The following MTFR1 variants were observed in gnomAD, a reference collection of about 807,000 sequenced individuals.
The protein encoded by MTFR1 is chondrocyte protein with a poly-proline region.
MTFR1 carries 28 observed loss-of-function variants against 38.8 expected under a neutral mutation model. That is an observed-to-expected ratio of 0.72 (90% confidence interval 0.53 to 0.99). The LOEUF is 0.99. Among genes scored for constraint, MTFR1 ranks in the 50% least tolerant of loss-of-function variants. The pLI is 0.00. For missense variants in MTFR1, 358 were observed against 395.5 expected, an observed-to-expected ratio of 0.91 and a Z score of 0.81; for synonymous variants, 145 against 137.0, an observed-to-expected ratio of 1.06 and a Z score of -0.41.
intron 1 of MTFR1, among the ~76,000 whole-genome samples, chr8:65,647,211 G>T (rs145404983): frequency 6.6e-6 from 1 of 152,224 alleles, no homozygotes; most frequent in Non-Finnish European, 1.5e-5. Flanking sequence ...GGAAATAGAC[G>T]TGGGGAACTG....
At chr8:65,671,032 T>G (rs1358783871) in intron 2 of MTFR1, among the ~76,000 whole-genome samples, 1 of 152,206 alleles carries the variant, frequency 6.6e-6, no homozygotes, top group Admixed American at 6.6e-5. Context: ...TTTACTTTTT[T>G]GTTTTTGTGC....
intron 1 of MTFR1, among the ~76,000 whole-genome samples, chr8:65,648,461 G>A (rs1809027198): frequency 6.6e-6 from 1 of 152,144 alleles, no homozygotes; most frequent in Admixed American, 6.5e-5. Context: ...TGTCAGCTGG[G>A]AGAGCACTCA....
chr8:65,702,297 C>CTTT (rs530863447), intron 4 of MTFR1, among the ~76,000 whole-genome samples: 44 of 110,240 alleles, frequency 4.0e-4, no homozygotes, highest in South Asian at 8.9e-4. Context: ...TTCTTTCTTT[C>CTTT]TTTTTTTTTT....
At chr8:65,663,529 TAAA>T (rs377759904) in intron 1 of MTFR1, among the ~76,000 whole-genome samples, 4 of 123,320 alleles carry the variant, frequency 3.2e-5, no homozygotes, top group Admixed American at 1.7e-4. Flanking sequence ...ATGATCAATT[TAAA>T]AAAAAAAAAA....
At chr8:65,645,542 G>C (rs1373460645) in intron 1 of MTFR1, among the ~76,000 whole-genome samples, 1 of 152,148 alleles carries the variant, frequency 6.6e-6, no homozygotes, top group African/African-American at 2.4e-5. Context: ...GTTATTTTGC[G>C]TTTTTGAGAC....
intron 1 of MTFR1, among the ~76,000 whole-genome samples, chr8:65,662,043 C>G (rs1010825969): frequency 1.3e-5 from 1 of 75,150 alleles, no homozygotes; most frequent in African/African-American, 4.1e-5. Context: ...CTCTCTCTCC[C>G]TCTCTCTCTC....
At chr8:65,655,810 A>G (rs1342338253) in intron 1 of MTFR1, among the ~76,000 whole-genome samples, 1 of 150,872 alleles carries the variant, frequency 6.6e-6, no homozygotes, top group Non-Finnish European at 1.5e-5. Context: ...TTAGCTGGGC[A>G]TGGTGGTGCG....
intron 3 of MTFR1, chr8:65,745,494 T>C (rs1285184230): frequency 3.2e-5 from 42 of 1,312,396 alleles, no homozygotes; most frequent in Non-Finnish European, 4.3e-5. Flanking sequence ...CAAACATTTC[T>C]ACTGTAATTT....
chr8:65,703,624 G>T (rs2129058627), intron 4 of MTFR1, among the ~76,000 whole-genome samples: 1 of 151,896 alleles, frequency 6.6e-6, no homozygotes, highest in South Asian at 2.1e-4. Flanking sequence ...AGTAGAGACA[G>T]GGTTGCACCC....
chr8:65,765,207 G>A (rs1271221728), intron 3 of MTFR1, among the ~76,000 whole-genome samples: 5 of 152,102 alleles, frequency 3.3e-5, no homozygotes, highest in South Asian at 4.1e-4. Context: ...GATAATGGGC[G>A]AGCCGGGCGC....
At chr8:65,667,577 G>T (rs971211866) in intron 1 of MTFR1, among the ~76,000 whole-genome samples, 4 of 151,914 alleles carry the variant, frequency 2.6e-5, no homozygotes, top group South Asian at 2.1e-4. Context: ...ACAGGTGTAT[G>T]CTACCATGCC....
At chr8:65,747,529 A>G (rs1807729345) in intron 3 of MTFR1, 1 of 541,930 alleles carries the variant, frequency 1.8e-6, no homozygotes, top group African/African-American at 2.0e-5. Flanking sequence ...AAACCTGGAA[A>G]ATAGGCTCAA....
chr8:65,747,338 A>C (rs1807719188), intron 3 of MTFR1, among the ~76,000 whole-genome samples: 1 of 152,224 alleles, frequency 6.6e-6, no homozygotes, highest in Non-Finnish European at 1.5e-5. Context: ...TAGATCAGGT[A>C]ATCTCTAAGT....
intron 3 of MTFR1, 84 bp downstream of exon 3, chr8:65,682,535 G>C (rs1804931330): frequency 2.5e-6 from 2 of 796,542 alleles, no homozygotes; most frequent in Non-Finnish European, 3.3e-6. Flanking sequence ...AAAGCATTTT[G>C]TTTTTGAGAC....
At chr8:65,706,940 G>A (rs1018304972) in intron 5 of MTFR1, 70 bp from the exon 6 acceptor site, 2 of 1,491,106 alleles carry the variant, frequency 1.3e-6, no homozygotes, top group East Asian at 2.3e-5. Context: ...ACATCATTTT[G>A]CTTTTAAAAA....
intron 3 of MTFR1, chr8:65,745,380 C>T (rs1272933493): frequency 7.4e-7 from 1 of 1,343,392 alleles, no homozygotes; most frequent in Admixed American, 1.7e-5. Flanking sequence ...ACTACATTAA[C>T]TTGAGCAAGT....
intron 3 of MTFR1, among the ~76,000 whole-genome samples, chr8:65,684,278 A>C (rs561110036): frequency 6.6e-6 from 1 of 152,236 alleles, no homozygotes; most frequent in Non-Finnish European, 1.5e-5. Flanking sequence ...ATGGATTAAC[A>C]TAAGGAGAAG....
At chr8:65,678,413 C>G (rs559299870) in intron 2 of MTFR1, among the ~76,000 whole-genome samples, 1 of 152,262 alleles carries the variant, frequency 6.6e-6, no homozygotes, top group East Asian at 1.9e-4. Context: ...CTAAATATTT[C>G]AGTCATTAGT....
chr8:65,766,282 T>G (rs973349779), intron 3 of MTFR1, among the ~76,000 whole-genome samples: 6 of 152,220 alleles, frequency 3.9e-5, no homozygotes, highest in Non-Finnish European at 7.3e-5. Context: ...ATATGGAATT[T>G]ATTTCGTGTT....
Sources: gnomAD v4.1 joint callset for allele counts (sites outside exome capture counted in the v4.1 genomes callset) on GRCh38, gnomAD v4.1.1 for gene constraint, MANE v1.5 for transcripts, NCBI Gene and HGNC (gene_info 2026-07-23, HGNC 2026-07-21) for gene names.